The following SRPRA variants were observed in gnomAD, a reference collection of about 807,000 sequenced individuals.
SRPRA encodes signal recognition particle receptor subunit alpha.
In SRPRA, 30 loss-of-function variants were observed where a neutral mutation model predicts 61.1. That is an observed-to-expected ratio of 0.49 (90% CI 0.37 to 0.67). The LOEUF is 0.67. Ranked by LOEUF, SRPRA falls within the 30% of genes least tolerant of loss-of-function variation. The pLI, the probability that SRPRA is intolerant of heterozygous loss-of-function variation, is 0.00. For missense variants in SRPRA, 759 were observed against 828.4 expected, an observed-to-expected ratio of 0.92 and a Z score of 1.03; for synonymous variants, 324 against 299.7, an observed-to-expected ratio of 1.08 and a Z score of -0.84.
chr11:126,264,785 C>G lies in SRPRA; in HGVS notation c.1525+174G>C, dbSNP rs1044121504. On this transcript the variant is annotated intron_variant, in intron 11 of 13. Transcript: ENST00000332118. This position sits in a 1 kb window ranked among gnomAD's most constrained non-coding sequence, Gnocchi z 5.0. Reference sequence around the variant, plus strand: ...TCTGGTTAAGGTATATTAGCTTTGCCTGCAACTACATCTGTTATCCAAAAG... The same window carrying G: ...TCTGGTTAAGGTATATTAGCTTTGCGTGCAACTACATCTGTTATCCAAAAG... 1 of 777,522 alleles carries G rather than the reference C, an allele frequency of 1.3e-6. No individual in the cohort carries two copies. Among genetic ancestry groups the G allele is most frequent in the African/African-American group, 1.8e-5 (1 of 57,040 alleles). 48.2% of individuals were successfully genotyped at this position (777,522 alleles called of 1,614,324 possible).
At chr11:126,249,527 T>G in the SRPRA span, among the ~76,000 whole-genome samples, 1 of 151,530 alleles carries the variant, frequency 6.6e-6, no homozygotes, top group East Asian at 1.9e-4. Context: ...GGTCAGGAGT[T>G]CAAGACCAGC....
At chr11:126,242,499 G>A in the SRPRA span, among the ~76,000 whole-genome samples, 17 of 152,196 alleles carry the variant, frequency 1.1e-4, no homozygotes, top group East Asian at 3.9e-4. Flanking sequence ...TCTCATAGGC[G>A]TATAATATCC....
chr11:126,258,080 A>AT (rs1950608786), downstream of SRPRA, among the ~76,000 whole-genome samples: 1 of 152,208 alleles, frequency 6.6e-6, no homozygotes, highest in Non-Finnish European at 1.5e-5. Context: ...TTATGTAAGT[A>AT]TTTTCATTGT....
At position 126,267,821 on chromosome 11, in the gene SRPRA, T is replaced by C. The variant is rs1476412882; in HGVS notation, c.202-109A>G. On this transcript the variant is annotated intron_variant, in intron 2 of 13. Coordinates refer to ENST00000332118, the MANE Select transcript of SRPRA (RefSeq NM_003139.4). This position sits in a 1 kb window ranked among gnomAD's most constrained non-coding sequence, Gnocchi z 4.2. Reference sequence around the variant, plus strand: ...AGATAGGTTCAGCTACCTGGCCGGTTTCCCTGTCCTGAGAGGCAGCCAAGC... The same window carrying C: ...AGATAGGTTCAGCTACCTGGCCGGTCTCCCTGTCCTGAGAGGCAGCCAAGC... 1.3e-6 allele frequency: 2 copies of C among 1,507,888 alleles called. No homozygotes were observed. The highest frequency in any genetic ancestry group is 4.5e-5 in the East Asian group (2 of 44,116). 93.4% of individuals were successfully genotyped at this position (1,507,888 alleles called of 1,614,324 possible).
Position 126,268,570 on chromosome 11 carries a change from G to C in SRPRA, c.117+118C>G. ...ACGAAGCGGAGTCCGGGTTACGCGT[G>C]AGTGGTCAGTGTGAGGTGGGCGGGG... On this transcript the variant is annotated intron_variant, in intron 1 of 13. Coordinates refer to ENST00000332118, the MANE Select transcript of SRPRA (RefSeq NM_003139.4). The C allele has an allele frequency of 3.8e-6, 3 of 785,928 alleles. No individual in the cohort carries two copies. The South Asian group carries it at 4.9e-5, about 13-fold the overall frequency. The allele number at this position is 785,928 out of a possible 1,614,324, so 48.7% of individuals were successfully genotyped here. A position where few individuals can be genotyped will look rare whatever the true frequency, so the allele number is the denominator to read the frequency against.
downstream of SRPRA, chr11:126,262,124 T>C (rs749810593): frequency 3.1e-6 from 5 of 1,614,128 alleles, no homozygotes; most frequent in Admixed American, 8.3e-5. Flanking sequence ...CTACAGGCTG[T>C]AGTACATGAG....
chr11:126,249,656 GGC>G, the SRPRA span, among the ~76,000 whole-genome samples: 1 of 150,970 alleles, frequency 6.6e-6, no homozygotes, highest in African/African-American at 2.4e-5. Context: ...GCTTGAACCT[GGC>G]GGGGCGGAGG....
chr11:126,242,695 AC>A, the SRPRA span, among the ~76,000 whole-genome samples: 1 of 152,226 alleles, frequency 6.6e-6, no homozygotes, highest in African/African-American at 2.4e-5. Flanking sequence ...GTGCCATTTC[AC>A]ACCCGCTGGC....
In SRPRA at chr11:126,266,598, T is replaced by A; in HGVS notation, c.718A>T (p.Lys240Ter). Residue 240 changes from lysine (K) to a stop codon, truncating the protein, a stop_gained, in exon 6 of 14, where the codon AAG becomes TAG. Transcript: ENST00000332118. LOFTEE classifies it high-confidence loss of function. ...CACACCCGGGGTGCTTTTTTGCCCT[T>A]CTCCTTTGGAGCATCTGACTTCGTG... ...KSTKSDAPKE[K>*]GKKAPRVWEL... is the part of the protein sequence containing the mutation. 1 of 1,614,140 alleles carries A rather than the reference T, an allele frequency of 6.2e-7. No homozygotes were observed. Among genetic ancestry groups the A allele is most frequent in the Non-Finnish European group, 8.5e-7 (1 of 1,180,006 alleles).
the SRPRA span, among the ~76,000 whole-genome samples, chr11:126,237,111 T>G: frequency 6.6e-6 from 1 of 151,000 alleles, no homozygotes; most frequent in East Asian, 1.9e-4. Context: ...AGAGACGGGA[T>G]TTCACTGTGT....
At chr11:126,261,962 C>T (rs1950710130), downstream of SRPRA, among the ~76,000 whole-genome samples, 1 of 152,142 alleles carries the variant, frequency 6.6e-6, no homozygotes, top group African/African-American at 2.4e-5. Flanking sequence ...AAGACCTTGT[C>T]TCTAAAAAGT....
Position 126,268,815 on chromosome 11 carries a change from G to A in SRPRA, c.-11C>T. ...GAAGAAGTCGAGCATGGCGGCAGCGGCAGAGGAGCTGGGGCCGGCGCCGGG... is the reference window on the plus strand; with the variant it reads ...GAAGAAGTCGAGCATGGCGGCAGCGACAGAGGAGCTGGGGCCGGCGCCGGG... On this transcript the variant is annotated 5_prime_UTR_variant, in exon 1 of 14. Transcript: ENST00000332118. 6.2e-7 allele frequency: 1 copy of A among 1,608,044 alleles called. No homozygotes were observed. The highest frequency in any genetic ancestry group is 8.5e-7 in the Non-Finnish European group (1 of 1,175,420).
the SRPRA span, chr11:126,250,795 T>G: frequency 5.4e-6 from 7 of 1,290,362 alleles, no homozygotes; most frequent in Non-Finnish European, 7.6e-6. This position sits in a 1 kb window ranked among gnomAD's most constrained non-coding sequence, Gnocchi z 5.1. Context: ...TCAGAAAAGC[T>G]CTTTTCTAGT....
rs2242391 is a variant in SRPRA at position 126,265,244 on chromosome 11, G to T, written c.1311+24C>A. The T allele has an allele frequency of 0.12, 187,298 of 1,613,372 alleles. 11,257 individuals carry two copies. Among genetic ancestry groups the T allele is most frequent in the South Asian group, 0.14 (12,943 of 91,066 alleles). On this transcript the variant is annotated intron_variant, in intron 10 of 13. Transcript: ENST00000332118. This position sits in a 1 kb window ranked among gnomAD's most constrained non-coding sequence, Gnocchi z 6.3. ...ACACAAGAAGTACAGAAATATCAGC[G>T]ATAGGCTGGGGAACTGCACTGACCT... is the stretch of plus-strand genomic sequence containing the variant.
the SRPRA span, chr11:126,254,584 AC>A: frequency 1.0e-5 from 11 of 1,076,976 alleles, no homozygotes; most frequent in Non-Finnish European, 1.3e-5. Flanking sequence ...TATAATCCCA[AC>A]ACTTTGGGAG....
Position 126,266,508 on chromosome 11 carries a change from G to A in SRPRA, c.808C>T (p.Pro270Ser), listed in dbSNP as rs1017869127. 1 of 1,614,144 alleles carries A rather than the reference G, an allele frequency of 6.2e-7. No homozygotes were observed. Among genetic ancestry groups the A allele is most frequent in the Non-Finnish European group, 8.5e-7 (1 of 1,179,996 alleles). Residue 270 changes from proline (P) to serine (S), a missense_variant, in exon 6 of 14, where the codon CCT (proline) becomes TCT (serine). Around this residue, in one of 2 missense-constraint regions of SRPRA, gnomAD observed 475 missense variants for 462.5 expected, o/e 1.03. Coordinates refer to ENST00000332118, the MANE Select transcript of SRPRA (RefSeq NM_003139.4). ...ATGTCCTCAGACAAGGCAGCCTCAGGGGTTCCATTGGTGGTGGGAGTACTG... is the reference window on the plus strand; with the variant it reads ...ATGTCCTCAGACAAGGCAGCCTCAGAGGTTCCATTGGTGGTGGGAGTACTG... ...DYSTPTTNGTPEAALSEDINL... is the reference protein window; with the variant it reads ...DYSTPTTNGTSEAALSEDINL...
chr11:126,265,366 T>C lies in SRPRA; in HGVS notation c.1213A>G (p.Met405Val), dbSNP rs150815595. Residue 405 changes from methionine (M) to valine (V), a missense_variant, in exon 10 of 14, where the codon ATG (methionine) becomes GTG (valine). This residue lies in a region of SRPRA where 284 missense variants were observed against 365.9 expected (regional missense o/e 0.78). Transcript: ENST00000332118. The surrounding 1 kb of genome is among the most constrained non-coding windows in gnomAD (Gnocchi z 6.3). ...TGGGCATCCATGATGTCCCGGAGCA[T>C]GTCTACACGACGCTGTGGCTGCAGA... is the stretch of plus-strand genomic sequence containing the variant. ...QILQPQRRVD[M>V]LRDIMDAQRR... 26 of 1,613,982 alleles carry C rather than the reference T, an allele frequency of 1.6e-5. No individual in the cohort carries two copies. Among genetic ancestry groups the C allele is most frequent in the Admixed American group, 3.3e-5 (2 of 60,004 alleles).
the SRPRA span, among the ~76,000 whole-genome samples, chr11:126,252,516 CGGGA>C: frequency 2.8e-4 from 43 of 152,012 alleles, no homozygotes; most frequent in Non-Finnish European, 5.1e-4. This position sits in a 1 kb window ranked among gnomAD's most constrained non-coding sequence, Gnocchi z 4.7. Flanking sequence ...GAAGCTGAGG[CGGGA>C]GGATCACTTG....
At chr11:126,252,863 C>T in the SRPRA span, among the ~76,000 whole-genome samples, 33 of 152,156 alleles carry the variant, frequency 2.2e-4, no homozygotes, top group African/African-American at 6.7e-4. This position sits in a 1 kb window ranked among gnomAD's most constrained non-coding sequence, Gnocchi z 4.7. Flanking sequence ...GGTGAAACCC[C>T]GTCTTTACTA....
Sources: gnomAD v4.1 joint callset for allele counts (sites outside exome capture counted in the v4.1 genomes callset) on GRCh38, gnomAD v4.1.1 for gene constraint, gnomAD v4.1.1 regional missense constraint, Gnocchi (gnomAD v3.1) non-coding constraint, MANE v1.5 for transcripts, NCBI Gene and HGNC (gene_info 2026-07-23, HGNC 2026-07-21) for gene names.